RSPH6A: variants seen among roughly 807,000 people sequenced by gnomAD.
RSPH6A encodes radial spoke head 6 homolog A.
A neutral mutation model predicts 66.1 loss-of-function variants in RSPH6A; 49 were observed. The observed-to-expected ratio is 0.74, with a 90% CI of 0.59 to 0.94. The LOEUF is 0.94. Ranked by LOEUF, RSPH6A falls within the 40% of genes least tolerant of loss-of-function variation. The pLI is 0.00. For missense variants in RSPH6A, 977 were observed against 948.3 expected, an observed-to-expected ratio of 1.03 and a Z score of -0.40; for synonymous variants, 419 against 402.4, an observed-to-expected ratio of 1.04 and a Z score of -0.49.
In RSPH6A at chr19:45,815,013, G is replaced by A; in HGVS notation, c.164C>T (p.Pro55Leu). The A allele has an allele frequency of 3.1e-6, 5 of 1,613,800 alleles. No individual in the cohort carries two copies. The highest frequency in any genetic ancestry group is 4.2e-6 in the Non-Finnish European group (5 of 1,180,040). The change falls in exon 1 of 6, where the codon CCT becomes CTT. Residue 55 changes from proline to leucine, a missense_variant. By Grantham distance (98) the Pro-to-Leu change is moderately conservative. Coordinates refer to ENST00000221538, the MANE Select transcript of RSPH6A (RefSeq NM_030785.4). Reference protein sequence around the residue: ...QIPPDAQRNAPGWSQRGSLSQ... With the variant: ...QIPPDAQRNALGWSQRGSLSQ... ...CAGGCTGCCCCTCTGTGACCAACCA[G>A]GGGCGTTTCGCTGGGCGTCTGGAGG...
chr19:45,813,559 G>A (rs2146291005), intron 1 of RSPH6A, among the ~76,000 whole-genome samples: 1 of 152,260 alleles, frequency 6.6e-6, no homozygotes, highest in African/African-American at 2.4e-5. Flanking sequence ...TGGCAAGGCT[G>A]GTCTCGAACT....
At chr19:45,808,188 A>G (rs544338393) in intron 2 of RSPH6A, among the ~76,000 whole-genome samples, 1 of 152,330 alleles carries the variant, frequency 6.6e-6, no homozygotes, top group African/African-American at 2.4e-5. Flanking sequence ...GCACTTTGGG[A>G]GGCCGAGGCG....
chr19:45,803,210 G>GAAAAA (rs537694212), intron 3 of RSPH6A, among the ~76,000 whole-genome samples: 2,360 of 103,954 alleles, frequency 0.023, 38 homozygotes, highest in Non-Finnish European at 0.029. Flanking sequence ...CTCCGTCTCA[G>GAAAAA]AAAAAAAAAA....
In RSPH6A at chr19:45,814,741, A is replaced by C. The variant is rs760483481; in HGVS notation, c.436T>G (p.Leu146Val). 1.2e-6 allele frequency: 2 copies of C among 1,613,678 alleles called. No homozygotes were observed. The highest frequency in any genetic ancestry group is 1.7e-6 in the Non-Finnish European group (2 of 1,179,882). Residue 146 changes from leucine (L) to valine (V), a missense_variant, in exon 1 of 6, where the codon TTG becomes GTG. Coordinates refer to ENST00000221538, the MANE Select transcript of RSPH6A (RefSeq NM_030785.4). The part of the protein sequence containing the change: ...PTFQEPPVNP[L>V]GQFNLYQTDQ... ...GTCTGGTAGAGGTTGAACTGGCCCA[A>C]GGGGTTGACTGGGGGCTCCTGGAAG...
rs1160639236 is a variant in RSPH6A at position 45,814,698 on chromosome 19, C to T, written c.479G>A (p.Gly160Asp). 1 of 1,612,810 alleles carries T rather than the reference C, an allele frequency of 6.2e-7. No individual in the cohort carries two copies. The highest frequency in any genetic ancestry group is 8.5e-7 in the Non-Finnish European group (1 of 1,179,352). ...CCTTATGTAAGGCCCGTGCTGGGCA[C>T]CTTCAGAGAACTGGTCTGTCTGGTA... Reference protein sequence around the residue: ...NLYQTDQFSEGAQHGPYIRDD... With the variant: ...NLYQTDQFSEDAQHGPYIRDD... Residue 160 changes from glycine (G) to aspartate (D), a missense_variant, in exon 1 of 6, where the codon GGT becomes GAT. Physicochemically the swap from Gly to Asp is moderately conservative, Grantham distance 94. Transcript: ENST00000221538.
chr19:45,804,306 C>T lies in RSPH6A; in HGVS notation c.1599G>A (p.Glu533=). The T allele has an allele frequency of 6.2e-7, 1 of 1,614,136 alleles. No individual in the cohort carries two copies. Among genetic ancestry groups the T allele is most frequent in the Non-Finnish European group, 8.5e-7 (1 of 1,180,002 alleles). The change falls in exon 3 of 6, where the codon GAG becomes GAA. Residue 533 remains glutamate, a synonymous_variant. Transcript: ENST00000221538. The surrounding 1 kb of genome is among the most constrained non-coding windows in gnomAD (Gnocchi z 5.8). ...NPDFEGIPVL[E]LVDSMANWVH... ...CCCAGTTGGCCATGGAGTCGACCAG[C>T]TCCAGCACGGGGATGCCCTCGAAGT...
rs188168698 is a variant in RSPH6A at position 45,806,653 on chromosome 19, A to G, written c.889-1637T>C. 3.2e-3 allele frequency among the ~76,000 whole-genome samples: 351 copies of G among 110,168 alleles called. 1 individual carries two copies. The highest frequency in any genetic ancestry group is 0.012 in the African/African-American group (320 of 27,788). The allele number at this position is 110,168 out of a possible 152,430, so 72.3% of individuals were successfully genotyped here. ...ACCACTGCACTCCAGCCTGGGTGAC[A>G]GAGTGAGACTCTGTCTCAAAAAAAA... On this transcript the variant is annotated intron_variant, in intron 2 of 5. Transcript: ENST00000221538.
chr19:45,804,725 C>G lies in RSPH6A; in HGVS notation c.1180G>C (p.Glu394Gln), dbSNP rs148314106. ...MEAHGEEEGE[E>Q]DEEKAVDIVP... ...ATGTCCACGGCCTTCTCCTCGTCCT[C>G]CTCGCCCTCCTCCTCGCCGTGCGCC... The change falls in exon 3 of 6, where the codon GAG becomes CAG. Residue 394 changes from glutamate to glutamine, a missense_variant. Coordinates refer to ENST00000221538, the MANE Select transcript of RSPH6A (RefSeq NM_030785.4). This position sits in a 1 kb window ranked among gnomAD's most constrained non-coding sequence, Gnocchi z 5.8. The G allele has an allele frequency of 1.5e-4, 234 of 1,613,542 alleles. No individual in the cohort carries two copies. The highest frequency in any genetic ancestry group is 1.9e-4 in the Non-Finnish European group (221 of 1,179,788).
At position 45,795,789 on chromosome 19, in the gene RSPH6A, G is replaced by A; in HGVS notation, c.*80C>T. 1 of 1,290,748 alleles carries A rather than the reference G, an allele frequency of 7.7e-7. No individual in the cohort carries two copies. Among genetic ancestry groups the A allele is most frequent in the Non-Finnish European group, 1.1e-6 (1 of 935,060 alleles). 80.0% of individuals were successfully genotyped at this position (1,290,748 alleles called of 1,614,324 possible). ...CCTCTGGGGACAGGAAGCACATAGT[G>A]AAAATATAATCCATGCTAACTACCT... is the stretch of plus-strand genomic sequence containing the variant. On this transcript the variant is annotated 3_prime_UTR_variant, in exon 6 of 6. Coordinates refer to ENST00000221538, the MANE Select transcript of RSPH6A (RefSeq NM_030785.4).
At position 45,814,621 on chromosome 19, in the gene RSPH6A, T is replaced by C. The variant is rs764304251; in HGVS notation, c.556A>G (p.Ser186Gly). Residue 186 changes from serine (S) to glycine (G), a missense_variant, in exon 1 of 6, where the codon AGT (serine) becomes GGT (glycine). Physicochemically the swap from Ser to Gly is moderately conservative, Grantham distance 56. Coordinates refer to ENST00000221538, the MANE Select transcript of RSPH6A (RefSeq NM_030785.4). ...GGCTCGGGCTCAGGCACCTGGGCAC[T>C]GTAGTGTGGGAAGCCCAGCTCAGAG... The part of the protein sequence containing the change: ...LPSELGFPHY[S>G]AQVPEPEPLE... The C allele has an allele frequency of 6.3e-6, 10 of 1,598,590 alleles. No individual in the cohort carries two copies. In the South Asian group the frequency reaches 1.0e-4, roughly 16 times the overall value.
chr19:45,800,999 T>C lies in RSPH6A; in HGVS notation c.1799-436A>G, dbSNP rs758270278. 3.0e-4 allele frequency among the ~76,000 whole-genome samples: 46 copies of C among 152,138 alleles called. 1 individual carries two copies. Among genetic ancestry groups the C allele is most frequent in the East Asian group, 5.8e-4 (3 of 5,166 alleles). ...TTTTAGTAGAGACAGGGTTTCACCA[T>C]GTTGGCCAAGCTGGTCTCGAACTCC... On this transcript the variant is annotated intron_variant, in intron 4 of 5. Transcript: ENST00000221538.
chr19:45,810,648 C>A lies in RSPH6A; in HGVS notation c.843G>T (p.Arg281=), dbSNP rs758784211. ...GTTCGCCTTCAGTGCCGCCTCCACT[C>A]CGGGTGAACAGCGCCTTCTGTTTCT... ...MAEKQKALFT[R]SGGGTEGEQE... is the part of the protein sequence containing the mutation. The change falls in exon 2 of 6, where the codon CGG becomes CGT. Residue 281 remains arginine (R), a synonymous_variant. Transcript: ENST00000221538. 10 of 1,614,146 alleles carry A rather than the reference C, an allele frequency of 6.2e-6. No individual in the cohort carries two copies. The highest frequency in any genetic ancestry group is 1.7e-5 in the Admixed American group (1 of 60,010).
chr19:45,812,686 G>C (rs912887151), intron 1 of RSPH6A, among the ~76,000 whole-genome samples: 1 of 151,926 alleles, frequency 6.6e-6, no homozygotes, highest in Non-Finnish European at 1.5e-5. Context: ...GCTGAACCAC[G>C]TAAGGCCTTT....
intron 2 of RSPH6A, among the ~76,000 whole-genome samples, chr19:45,808,711 G>A (rs553121150): frequency 2.8e-5 from 4 of 140,574 alleles, no homozygotes; most frequent in African/African-American, 1.1e-4. Context: ...GCCCAGGCTG[G>A]AGTACAGAGG....
chr19:45,814,515 G>A lies in RSPH6A; in HGVS notation c.650+12C>T. ...GGGTCCCCCACCCGCCCCACTCCTA[G>A]CCCCTGCTCACAGGCTGAGGTCGCA... On this transcript the variant is annotated intron_variant, in intron 1 of 5. Coordinates refer to ENST00000221538, the MANE Select transcript of RSPH6A (RefSeq NM_030785.4). 3 of 1,435,104 alleles carry A rather than the reference G, an allele frequency of 2.1e-6. No homozygotes were observed. Among genetic ancestry groups the A allele is most frequent in the East Asian group, 2.4e-5 (1 of 41,064 alleles). The allele number at this position is 1,435,104 out of a possible 1,614,324, so 88.9% of individuals were successfully genotyped here.
Position 45,802,205 on chromosome 19 carries a change from C to T in RSPH6A, c.1713G>A (p.Glu571=). 3 of 1,551,222 alleles carry T rather than the reference C, an allele frequency of 1.9e-6. No homozygotes were observed. Among genetic ancestry groups the T allele is most frequent in the Non-Finnish European group, 2.6e-6 (3 of 1,144,608 alleles). ...QKTEEEEDLG[E]EEEKADEGPE... The stretch of plus-strand genomic sequence containing the variant: ...GCCCCTCATCTGCCTTCTCTTCCTC[C>T]TCCCCCAGGTCCTCCTCCTCCTCTG... The change falls in exon 4 of 6, where the codon GAG becomes GAA. Residue 571 remains glutamate, a synonymous_variant. Coordinates refer to ENST00000221538, the MANE Select transcript of RSPH6A (RefSeq NM_030785.4).
intron 1 of RSPH6A, 106 bp from the exon 2 acceptor site, chr19:45,810,946 G>T (rs1200522832): frequency 2.5e-6 from 2 of 787,344 alleles, no homozygotes; most frequent in African/African-American, 1.7e-5. Flanking sequence ...ACACAGTAGG[G>T]AACTGAAAAG....
intron 2 of RSPH6A, among the ~76,000 whole-genome samples, chr19:45,807,624 C>T (rs1210721214): frequency 6.6e-6 from 1 of 152,202 alleles, no homozygotes. Flanking sequence ...GATTCTTCTG[C>T]CTCAGCCTCC....
chr19:45,804,972 G>T lies in RSPH6A; in HGVS notation c.933C>A (p.Phe311Leu), dbSNP rs774645702. The change falls in exon 3 of 6, where the codon TTC becomes TTA. Residue 311 changes from phenylalanine (F) to leucine (L), a missense_variant. By Grantham distance (22) the Phe-to-Leu change is conservative. Transcript: ENST00000221538. The surrounding 1 kb of genome is among the most constrained non-coding windows in gnomAD (Gnocchi z 5.8). ...VPNIMETAFY[F>L]EQAGVGLSSD... ...AGCTCAGGCCGACGCCGGCCTGCTC[G>T]AAGTAGAAGGCAGTCTCCATGATGT... 4 of 1,613,424 alleles carry T rather than the reference G, an allele frequency of 2.5e-6. No individual in the cohort carries two copies. Among genetic ancestry groups the T allele is most frequent in the Non-Finnish European group, 3.4e-6 (4 of 1,180,042 alleles).
Sources: gnomAD v4.1 joint callset for allele counts (sites outside exome capture counted in the v4.1 genomes callset) on GRCh38, gnomAD v4.1.1 for gene constraint, Gnocchi (gnomAD v3.1) non-coding constraint, MANE v1.5 for transcripts, NCBI Gene and HGNC (gene_info 2026-07-23, HGNC 2026-07-21) for gene names.